PNKP: variants seen among roughly 807,000 people sequenced by gnomAD.
PNKP encodes bifunctional polynucleotide phosphatase/kinase.
Under a neutral mutation model 66.2 loss-of-function variants are expected in PNKP, and 82 were observed. The observed-to-expected ratio is 1.24, with a 90% CI of 1.04 to 1.49. The LOEUF (loss-of-function observed/expected upper bound fraction) is 1.49, where lower values mean the gene tolerates loss of function less well. PNKP is among the 40% of genes most tolerant of loss of function. The pLI, the probability that PNKP is intolerant of heterozygous loss-of-function variation, is 0.00. For missense variants in PNKP, 907 were observed against 706.8 expected (o/e 1.28, Z -3.21); for synonymous variants, 412 against 298.9 (o/e 1.38, Z -3.90).
At chr19:49,867,305 T>A in intron 1 of PNKP, 88 bp from the exon 2 acceptor site, 1 of 1,361,164 alleles carries the variant, frequency 7.3e-7, no homozygotes, top group Non-Finnish European at 1.0e-6. Flanking sequence ...CTAGAAAGTT[T>A]CCCCACCATT....
At chr19:49,863,191 G>A (rs1015327409) in intron 8 of PNKP, among the ~76,000 whole-genome samples, 1 of 151,782 alleles carries the variant, frequency 6.6e-6, no homozygotes, top group Non-Finnish European at 1.5e-5. Flanking sequence ...ACTCCCACAA[G>A]GGGGGGGACC....
intron 4 of PNKP, among the ~76,000 whole-genome samples, chr19:49,864,866 G>C (rs2074806327): frequency 6.6e-6 from 1 of 152,128 alleles, no homozygotes; most frequent in African/African-American, 2.4e-5. Context: ...AGTCTCTCTG[G>C]ACATAAAAAA....
At chr19:49,865,599 ATC>A in intron 3 of PNKP, 173 bp from the exon 4 acceptor site, 12 of 508,300 alleles carry the variant, frequency 2.4e-5, no homozygotes, top group Admixed American at 3.8e-5. Context: ...CCTTGTCCGA[ATC>A]TTTTTTTTTT....
Position 49,864,407 on chromosome 19 carries a change from G to C in PNKP, c.499-4C>G, listed in dbSNP as rs545573584. 1 of 1,611,308 alleles carries C rather than the reference G, an allele frequency of 6.2e-7. No homozygotes were observed. The highest frequency in any genetic ancestry group is 1.3e-5 in the African/African-American group (1 of 74,976). ...CGTCCAGATCAAAGCCAGCCACCTG[G>C]TGTCACCAAGGAAAGACAAACAGCA... On this transcript the variant is annotated splice_polypyrimidine_tract_variant and splice_region_variant and intron_variant, in intron 4 of 16. Transcript: ENST00000322344.
intron 8 of PNKP, 43 bp downstream of exon 8, chr19:49,863,646 G>T (rs1333777507): frequency 6.8e-7 from 1 of 1,461,622 alleles, no homozygotes; most frequent in Non-Finnish European, 9.4e-7. Flanking sequence ...TGAGGGGCTG[G>T]AGTGAGGAAA....
chr19:49,867,220 G>A lies in PNKP; in HGVS notation c.-13-3C>T, dbSNP rs1473803209. The A allele has an allele frequency of 3.1e-6, 5 of 1,606,378 alleles. No homozygotes were observed. Among genetic ancestry groups the A allele is most frequent in the South Asian group, 1.1e-5 (1 of 90,616 alleles). On this transcript the variant is annotated splice_polypyrimidine_tract_variant and splice_region_variant and intron_variant, in intron 1 of 16. Transcript: ENST00000322344. ...CCTCGCCCATCCTGGGTGCCGGCCT[G>A]GGGAGCAGGTAAACGGGCTTGAGCG... is the stretch of plus-strand genomic sequence containing the variant.
Position 49,862,785 on chromosome 19 carries a change from G to A in PNKP, c.817-47C>T, listed in dbSNP as rs3739198. On this transcript the variant is annotated intron_variant, in intron 8 of 16. Transcript: ENST00000322344. ...AGGCCCTTCCCACAAATGTCCCCCC[G>A]CAGCGGTAGCGGGTCCCTGGGGCTG... The A allele has an allele frequency of 0.026, 41,171 of 1,604,024 alleles. 1,045 individuals carry two copies. The highest frequency in any genetic ancestry group is 0.1 in the South Asian group (9,155 of 90,874).
Position 49,864,365 on chromosome 19 carries a change from T to G in PNKP, c.537A>C (p.Thr179=). 1 of 1,614,080 alleles carries G rather than the reference T, an allele frequency of 6.2e-7. No individual in the cohort carries two copies. Among genetic ancestry groups the G allele is most frequent in the Admixed American group, 1.7e-5 (1 of 60,022 alleles). The change falls in exon 5 of 17, where the codon ACA becomes ACC. Residue 179 remains threonine, a synonymous_variant. Transcript: ENST00000322344. ...GFDLDGTLIT[T]RSGKVFPTGP... ...CAGTGGGAAAGACCTTCCCAGAGCG[T>G]GTGGTGATGAGCGTCCCGTCCAGAT...
rs35923927 is a variant in PNKP, at chr19:49,863,170, C to T, written c.817-432G>A. ...GCTAGGGACTGCCTCAGGGCCTTTG[C>T]ACTTGCTGTCACTCCCACAAGGGGG... is the stretch of plus-strand genomic sequence containing the variant. On this transcript the variant is annotated intron_variant, in intron 8 of 16. Coordinates refer to ENST00000322344, the MANE Select transcript of PNKP (RefSeq NM_007254.4). Among the ~76,000 whole-genome samples, 176 of 152,334 alleles carry T rather than the reference C, an allele frequency of 1.2e-3. 1 individual carries two copies. In the Middle Eastern group the frequency reaches 0.027, roughly 24 times the overall value.
At position 49,865,398 on chromosome 19, in the gene PNKP, G is replaced by A. The variant is rs1600421787; in HGVS notation, c.227C>T (p.Thr76Ile). ...QLGVNPSTTGTQELKPGLEGS... is the reference protein window; with the variant it reads ...QLGVNPSTTGIQELKPGLEGS... The stretch of plus-strand genomic sequence containing the variant: ...CTCCAACCCCGGCTTCAACTCCTGG[G>A]TCCCGGTAGTTGAGGGGTTAACTCC... Residue 76 changes from threonine (T) to isoleucine (I), a missense_variant, in exon 4 of 17, where the codon ACC (threonine) becomes ATC (isoleucine). Thr to Ile is a moderately conservative substitution (Grantham distance 89). Transcript: ENST00000322344. 3 of 1,611,512 alleles carry A rather than the reference G, an allele frequency of 1.9e-6. No individual in the cohort carries two copies. Among genetic ancestry groups the A allele is most frequent in the Non-Finnish European group, 1.7e-6 (2 of 1,178,902 alleles).
intron 2 of PNKP, 88 bp downstream of exon 2, chr19:49,866,966 T>C: frequency 7.5e-7 from 1 of 1,328,148 alleles, no homozygotes; most frequent in Non-Finnish European, 1.1e-6. Flanking sequence ...GCTGCACCAC[T>C]GCAATCCCGC....
In PNKP at chr19:49,861,663, G is replaced by GGGACGCCCGCGGC; in HGVS notation, c.1318_1330dup (p.Pro444ArgfsTer54). 1 of 1,549,984 alleles carries GGGACGCCCGCGGC rather than the reference G, an allele frequency of 6.5e-7. No individual in the cohort carries two copies. The highest frequency in any genetic ancestry group is 8.7e-7 in the Non-Finnish European group (1 of 1,146,934). On this transcript the variant is annotated frameshift_variant, in exon 15 of 17. Coordinates refer to ENST00000322344, the MANE Select transcript of PNKP (RefSeq NM_007254.4). LOFTEE classifies it high-confidence loss of function. Reference sequence around the variant, plus strand: ...GGCGGTGAAGAGGAAGCAGCGGCAGGGGACGCCCGCGGCTCGGGCACACTG... The same window carrying GGGACGCCCGCGGC: ...GGCGGTGAAGAGGAAGCAGCGGCAGGGGACGCCCGCGGCGGACGCCCGCGGCTCGGGCACACTG...
At chr19:49,865,716 C>T (rs781103574) in intron 3 of PNKP, among the ~76,000 whole-genome samples, 33 of 147,954 alleles carry the variant, frequency 2.2e-4, no homozygotes, top group Non-Finnish European at 3.7e-4. Context: ...TGGGTTCAAA[C>T]GATTCTCCTG....
intron 9 of PNKP, 37 bp from the exon 10 acceptor site, chr19:49,862,645 G>C (rs746553878): frequency 8.1e-6 from 13 of 1,613,860 alleles, no homozygotes; most frequent in South Asian, 3.3e-5. Flanking sequence ...CACCAGCTCG[G>C]AGGGAGGCGT....
intron 4 of PNKP, among the ~76,000 whole-genome samples, chr19:49,864,875 A>T (rs1039517029): frequency 6.6e-6 from 1 of 152,192 alleles, no homozygotes; most frequent in African/African-American, 2.4e-5. Flanking sequence ...GGACATAAAA[A>T]ATCCTCATCG....
intron 3 of PNKP, 39 bp from the exon 4 acceptor site, chr19:49,865,465 C>G: frequency 6.7e-7 from 1 of 1,485,442 alleles, no homozygotes; most frequent in South Asian, 1.2e-5. Context: ...TGGCTCCGCC[C>G]CCACCGGGAG....
chr19:49,863,614 C>G, intron 8 of PNKP, 75 bp downstream of exon 8: 1 of 1,140,982 alleles, frequency 8.8e-7, no homozygotes, highest in South Asian at 1.3e-5. Context: ...AGGCCCCAAC[C>G]GGAGGCCGGG....
In PNKP at chr19:49,861,255, T is replaced by G. The variant is rs886043128; in HGVS notation, c.1559A>C (p.Glu520Ala). 2 of 1,598,832 alleles carry G rather than the reference T, an allele frequency of 1.3e-6. No individual in the cohort carries two copies. Among genetic ancestry groups the G allele is most frequent in the Admixed American group, 3.3e-5 (2 of 59,978 alleles). ...AGGGGAGCTGGGCGGGGCTCAGCCC[T>G]CGGAGAACTGGCAGTACAGCCGCCC... ...RLGRLYCQFS[E>A]G The change falls in exon 17 of 17, where the codon GAG (glutamate) becomes GCG (alanine). Residue 520 changes from glutamate (E) to alanine (A), a missense_variant. Glu to Ala is a moderately radical substitution (Grantham distance 107). Coordinates refer to ENST00000322344, the MANE Select transcript of PNKP (RefSeq NM_007254.4).
Position 49,867,043 on chromosome 19 carries a change from G to A in PNKP, c.151+11C>T, listed in dbSNP as rs587781113. On this transcript the variant is annotated intron_variant, in intron 2 of 16. Coordinates refer to ENST00000322344, the MANE Select transcript of PNKP (RefSeq NM_007254.4). ...GCAGGCCACACCCCCTCCAGCTCAG[G>A]CCCCGCTCACCTTGAGTTCTGGAGC... 21 of 1,613,404 alleles carry A rather than the reference G, an allele frequency of 1.3e-5. No individual in the cohort carries two copies. In the African/African-American group the frequency reaches 1.7e-4, roughly 13 times the overall value.
Sources: gnomAD v4.1 joint callset for allele counts (sites outside exome capture counted in the v4.1 genomes callset) on GRCh38, gnomAD v4.1.1 for gene constraint, MANE v1.5 for transcripts, NCBI Gene and HGNC (gene_info 2026-07-23, HGNC 2026-07-21) for gene names.